Variants in MBD5 observed in about 807,000 individuals in gnomAD.
MBD5 encodes the protein methyl-CpG-binding domain protein 5.
A neutral mutation model predicts 117.3 loss-of-function variants in MBD5; 13 were observed. The observed-to-expected ratio is 0.11, with a 90% CI of 0.07 to 0.18. MBD5 has a LOEUF of 0.18. Ranked by LOEUF, MBD5 falls within the 10% of genes least tolerant of loss-of-function variation. The pLI is 1.00. For synonymous variants in MBD5, 727 were observed against 766.4 expected (o/e 0.95, Z 0.85); for missense variants, 1,879 against 2,093.8 (o/e 0.90, Z 2.00).
At chr2:148,224,734 G>A (rs1699776627) in intron 2 of MBD5, among the ~76,000 whole-genome samples, 1 of 151,692 alleles carries the variant, frequency 6.6e-6, no homozygotes, top group South Asian at 2.1e-4. Flanking sequence ...AAATCTGGGT[G>A]TGTCAGTGTT....
At chr2:148,078,189 A>C (rs970257396) in intron 1 of MBD5, among the ~76,000 whole-genome samples, 2 of 152,124 alleles carry the variant, frequency 1.3e-5, no homozygotes, top group African/African-American at 4.8e-5. Context: ...TAAGGATTAG[A>C]ATCAATTTCC....
chr2:148,253,986 T>C (rs937827988), intron 3 of MBD5, among the ~76,000 whole-genome samples: 1 of 152,148 alleles, frequency 6.6e-6, no homozygotes, highest in East Asian at 1.9e-4. Flanking sequence ...TCCCTTACTT[T>C]CCACGCTCTA....
chr2:148,407,715 C>T (rs1490735058), intron 4 of MBD5, among the ~76,000 whole-genome samples: 6 of 152,060 alleles, frequency 3.9e-5, no homozygotes, highest in East Asian at 1.9e-4. Context: ...GAGAAATGAA[C>T]GGACGATCTA....
rs181531446 is a variant in MBD5 at position 148,144,792 on chromosome 2, G to A, written c.-924-33908G>A. Reference sequence around the variant, plus strand: ...GTATTATTTCTGAGGGCTCTATTCTGTTCCATTGTTCTGTATCTCTGTTTT... The same window carrying A: ...GTATTATTTCTGAGGGCTCTATTCTATTCCATTGTTCTGTATCTCTGTTTT... On this transcript the variant is annotated intron_variant, in intron 1 of 13. Transcript: ENST00000642680. 7.2e-5 allele frequency among the ~76,000 whole-genome samples: 11 copies of A among 152,226 alleles called. No homozygotes were observed. The East Asian group carries it at 2.1e-3, about 29-fold the overall frequency.
chr2:148,369,027 G>A, intron 4 of MBD5, among the ~76,000 whole-genome samples: 1 of 152,082 alleles, frequency 6.6e-6, no homozygotes, highest in Non-Finnish European at 1.5e-5. Context: ...CTGATATGAT[G>A]CATGGAGAAG....
chr2:148,105,795 C>T (rs1378752741), intron 1 of MBD5, among the ~76,000 whole-genome samples: 1 of 151,732 alleles, frequency 6.6e-6, no homozygotes, highest in Admixed American at 6.6e-5. Flanking sequence ...CCTTCTTTTC[C>T]ATATGAAGCA....
At chr2:148,151,220 C>T (rs1474648594) in intron 1 of MBD5, among the ~76,000 whole-genome samples, 5 of 151,824 alleles carry the variant, frequency 3.3e-5, no homozygotes, top group African/African-American at 1.2e-4. Context: ...TTGTCTTTGG[C>T]TCTGTTTATG....
chr2:148,424,183 A>AC (rs1705701923), intron 4 of MBD5, among the ~76,000 whole-genome samples: 8 of 74,866 alleles, frequency 1.1e-4, no homozygotes, highest in African/African-American at 6.1e-4. Flanking sequence ...GTCTCAAAAA[A>AC]AAAAAAAAAA....
intron 3 of MBD5, among the ~76,000 whole-genome samples, chr2:148,309,731 G>A (rs571529653): frequency 6.6e-6 from 1 of 152,300 alleles, no homozygotes; most frequent in South Asian, 2.1e-4. Flanking sequence ...TGGTTCTCTT[G>A]TGCCAGTTTT....
intron 1 of MBD5, among the ~76,000 whole-genome samples, chr2:148,110,323 T>C (rs1244843999): frequency 6.6e-6 from 1 of 152,200 alleles, no homozygotes; most frequent in African/African-American, 2.4e-5. Flanking sequence ...CTGGTAGTAT[T>C]TCTAAAACTG....
chr2:148,356,262 C>A (rs909775188), intron 4 of MBD5, among the ~76,000 whole-genome samples: 1 of 152,098 alleles, frequency 6.6e-6, no homozygotes, highest in East Asian at 1.9e-4. Context: ...AAATTCTTGA[C>A]GATAATGGCA....
chr2:148,272,748 A>G (rs1443781609), intron 3 of MBD5, among the ~76,000 whole-genome samples: 2 of 152,006 alleles, frequency 1.3e-5, no homozygotes, highest in Non-Finnish European at 2.9e-5. Flanking sequence ...TCTTCACTCT[A>G]TTGTTTCTTT....
At chr2:148,045,030 A>T (rs1573947310) in intron 1 of MBD5, 1 of 152,166 alleles carries the variant, frequency 6.6e-6, no homozygotes, top group Admixed American at 6.5e-5. Flanking sequence ...TGTATTCCTC[A>T]GTGGCGCACA....
intron 1 of MBD5, among the ~76,000 whole-genome samples, chr2:148,128,460 G>A (rs1696955774): frequency 6.6e-6 from 1 of 152,124 alleles, no homozygotes; most frequent in South Asian, 2.1e-4. Context: ...ACATTAATTA[G>A]AGTTGGAGCA....
intron 2 of MBD5, among the ~76,000 whole-genome samples, chr2:148,201,272 G>T (rs1201622020): frequency 6.6e-6 from 1 of 152,196 alleles, no homozygotes; most frequent in African/African-American, 2.4e-5. Context: ...CACAAGAGTG[G>T]GCTCCACATG....
At chr2:148,277,755 T>C (rs1361878637) in intron 3 of MBD5, among the ~76,000 whole-genome samples, 1 of 152,156 alleles carries the variant, frequency 6.6e-6, no homozygotes, top group East Asian at 1.9e-4. Context: ...CTTTCTTATA[T>C]TTACTCTTAT....
intron 12 of MBD5, among the ~76,000 whole-genome samples, chr2:148,508,920 G>A (rs1278489912): frequency 6.6e-6 from 1 of 152,188 alleles, no homozygotes; most frequent in African/African-American, 2.4e-5. Context: ...GAAACTCAAT[G>A]TATGCATTGT....
chr2:148,216,525 C>G (rs564486562), intron 2 of MBD5, among the ~76,000 whole-genome samples: 1 of 152,268 alleles, frequency 6.6e-6, no homozygotes, highest in South Asian at 2.1e-4. Flanking sequence ...GTCCAGATAG[C>G]TTGAATACAG....
chr2:148,068,935 C>T (rs1383253505), intron 1 of MBD5, among the ~76,000 whole-genome samples: 2 of 152,036 alleles, frequency 1.3e-5, no homozygotes, highest in Non-Finnish European at 1.5e-5. Flanking sequence ...TGCATTATAA[C>T]CAATAGGTGA....
Sources: gnomAD v4.1 joint callset for allele counts (sites outside exome capture counted in the v4.1 genomes callset) on GRCh38, gnomAD v4.1.1 for gene constraint, MANE v1.5 for transcripts, NCBI Gene and HGNC (gene_info 2026-07-23, HGNC 2026-07-21) for gene names.